The following CPAMD8 variants were observed in gnomAD, a reference collection of about 807,000 sequenced individuals.
CPAMD8 encodes C3 and PZP like alpha-2-macroglobulin domain containing 8.
Under a neutral mutation model 224.7 loss-of-function variants are expected in CPAMD8, and 146 were observed. The observed-to-expected ratio is 0.65, with a 90% CI of 0.57 to 0.75. CPAMD8 has a LOEUF of 0.75. Ranked by LOEUF, CPAMD8 falls within the 30% of genes least tolerant of loss-of-function variation. CPAMD8 has a pLI of 0.00. For missense variants in CPAMD8, 2,301 were observed against 2,537.5 expected, an observed-to-expected ratio of 0.91 and a Z score of 2.00; for synonymous variants, 966 against 1,044.6, an observed-to-expected ratio of 0.92 and a Z score of 1.45.
intron 26 of CPAMD8, among the ~76,000 whole-genome samples, chr19:16,923,293 C>T (rs1026385829): frequency 4.6e-5 from 7 of 152,156 alleles, no homozygotes; most frequent in African/African-American, 7.2e-5. Flanking sequence ...AAGCTGGGGA[C>T]GGGGAACCCT....
At position 16,903,957 on chromosome 19, in the gene CPAMD8, G is replaced by A. The variant is rs535293825; in HGVS notation, c.4252-100C>T. 3.5e-4 allele frequency: 440 copies of A among 1,239,494 alleles called. 6 individuals carry two copies. The African/African-American group carries it at 5.1e-3, about 14-fold the overall frequency. The allele number at this position is 1,239,494 out of a possible 1,614,324, so 76.8% of individuals were successfully genotyped here. ...AGCCTAGCCTAAAACAGGCACCAAC[G>A]GGGCTGGAATAGAGACTGGACCCAG... On this transcript the variant is annotated intron_variant, in intron 32 of 41. Transcript: ENST00000443236.
At chr19:17,009,267 C>T in intron 6 of CPAMD8, 36 bp downstream of exon 6, 1 of 1,613,888 alleles carries the variant, frequency 6.2e-7, no homozygotes, top group Non-Finnish European at 8.5e-7. Context: ...TACCCGGGCC[C>T]CAAGTCCAAG....
rs59947036 is a variant in CPAMD8 at position 16,980,752 on chromosome 19, C to T, written c.1396-66G>A. 3.0e-3 allele frequency: 3,954 copies of T among 1,336,964 alleles called. 68 individuals carry two copies. The African/African-American group carries it at 0.043, about 14-fold the overall frequency. The allele number at this position is 1,336,964 out of a possible 1,614,324, so 82.8% of individuals were successfully genotyped here. ...AATGTTGCAACCCACCACAGGAAGA[C>T]GGCCATTCTGGGGCCAGAGGGAGGT... On this transcript the variant is annotated intron_variant, in intron 13 of 41. Coordinates refer to ENST00000443236, the MANE Select transcript of CPAMD8 (RefSeq NM_015692.5).
At chr19:16,979,965 C>A (rs1024332473) in intron 14 of CPAMD8, among the ~76,000 whole-genome samples, 2 of 152,158 alleles carry the variant, frequency 1.3e-5, no homozygotes, top group Non-Finnish European at 2.9e-5. Context: ...CTACTGGCAT[C>A]TGGTGGGGAG....
chr19:16,900,321 G>A (rs2052201774), intron 36 of CPAMD8, among the ~76,000 whole-genome samples: 1 of 152,108 alleles, frequency 6.6e-6, no homozygotes, highest in African/African-American at 2.4e-5. Context: ...CAGTGGGCCC[G>A]GTGCTGTGGC....
At chr19:16,943,011 C>T (rs55741048) in intron 22 of CPAMD8, among the ~76,000 whole-genome samples, 17,570 of 78,846 alleles carry the variant, frequency 0.22, 1,545 homozygotes, top group East Asian at 0.28. Context: ...TTTCTTTTTT[C>T]TTTTTTTTTT....
intron 32 of CPAMD8, 45 bp downstream of exon 32, chr19:16,904,181 A>ACCCCCCCCCCCCCCCCCCCCCCCCC: frequency 3.5e-6 from 1 of 285,578 alleles, no homozygotes; most frequent in Non-Finnish European, 5.9e-6. Flanking sequence ...CAGGGACCCC[A>ACCCCCCCCCCCCCCCCCCCCCCCCC]CCCACCCAGC....
At chr19:17,006,251 C>A (rs2072191068) in intron 7 of CPAMD8, among the ~76,000 whole-genome samples, 1 of 152,184 alleles carries the variant, frequency 6.6e-6, no homozygotes. Context: ...TGTGAGCCAC[C>A]AAGCCAGGCC....
At chr19:16,914,907 C>T (rs1258873281) in intron 27 of CPAMD8, 94 bp from the exon 28 acceptor site, 12 of 869,446 alleles carry the variant, frequency 1.4e-5, no homozygotes, top group African/African-American at 1.2e-4. Flanking sequence ...GCACCACCCC[C>T]GGCCTCCATT....
At chr19:17,000,371 C>T in intron 10 of CPAMD8, 43 bp downstream of exon 10, 1 of 774,596 alleles carries the variant, frequency 1.3e-6, no homozygotes. Context: ...GGAGGTGAAC[C>T]TGGGGGTTGG....
At chr19:16,995,003 T>C (rs540757392) in intron 11 of CPAMD8, among the ~76,000 whole-genome samples, 5 of 152,294 alleles carry the variant, frequency 3.3e-5, no homozygotes, top group African/African-American at 9.6e-5. Context: ...GGTAGGTATT[T>C]TCTGTCATAT....
chr19:17,008,297 G>A (rs1230954164), intron 7 of CPAMD8, among the ~76,000 whole-genome samples: 3 of 152,234 alleles, frequency 2.0e-5, no homozygotes, highest in East Asian at 1.9e-4. Context: ...CACAGGGAAG[G>A]TGCTGTGGGC....
intron 20 of CPAMD8, among the ~76,000 whole-genome samples, chr19:16,947,502 C>T (rs892145895): frequency 1.3e-5 from 2 of 152,314 alleles, no homozygotes; most frequent in South Asian, 4.2e-4. Flanking sequence ...CCAGATCTCC[C>T]ATGGACTGAA....
intron 5 of CPAMD8, 52 bp downstream of exon 5, chr19:17,011,412 G>A: frequency 6.3e-7 from 1 of 1,596,082 alleles, no homozygotes; most frequent in Non-Finnish European, 8.6e-7. Flanking sequence ...CCCTGGCCAG[G>A]TAGTCCCAAG....
intron 13 of CPAMD8, among the ~76,000 whole-genome samples, chr19:16,984,331 AG>A (rs369860184): frequency 0.14 from 14,624 of 106,548 alleles, 1,646 homozygotes; most frequent in African/African-American, 0.42. Flanking sequence ...AAAAAAAAAA[AG>A]AGAGAGAGAG....
chr19:16,914,851 A>C (rs1304267382), intron 27 of CPAMD8, 38 bp from the exon 28 acceptor site: 1 of 1,499,412 alleles, frequency 6.7e-7, no homozygotes, highest in Non-Finnish European at 9.1e-7. Context: ...GGGTTGCAGA[A>C]TGGTCAGCCC....
intron 7 of CPAMD8, among the ~76,000 whole-genome samples, chr19:17,004,822 T>C (rs139590741): frequency 8.5e-5 from 13 of 152,244 alleles, no homozygotes; most frequent in African/African-American, 2.9e-4. Context: ...GCAGCACCCC[T>C]GGCCTCCACC....
intron 18 of CPAMD8, among the ~76,000 whole-genome samples, chr19:16,959,074 C>T (rs2054566454): frequency 6.6e-6 from 1 of 152,006 alleles, no homozygotes; most frequent in Admixed American, 6.6e-5. Flanking sequence ...TCTGGAATTA[C>T]AGGCATGAGC....
intron 23 of CPAMD8, 64 bp from the exon 24 acceptor site, chr19:16,929,304 G>T: frequency 7.4e-7 from 1 of 1,347,776 alleles, no homozygotes; most frequent in South Asian, 1.3e-5. Context: ...TTTCCCTGAT[G>T]GTACCTGGAG....
Sources: allele counts gnomAD v4.1 joint callset (sites outside exome capture counted in the v4.1 genomes callset), GRCh38; gene constraint gnomAD v4.1.1; transcripts MANE v1.5; gene names NCBI Gene and HGNC (gene_info 2026-07-23, HGNC 2026-07-21).